The following CDKL2 variants were observed in gnomAD, a reference collection of about 807,000 sequenced individuals.
CDKL2 encodes the protein cyclin-dependent kinase-like 2.
CDKL2 carries 64 observed loss-of-function variants against 63.9 expected under a neutral mutation model. The ratio of observed to expected loss-of-function variants is 1.00; its 90% CI spans 0.82 to 1.23. The LOEUF is 1.23. Ranked by LOEUF, CDKL2 falls within the 50% of genes most tolerant of loss-of-function variation. The pLI, the probability that CDKL2 is intolerant of heterozygous loss-of-function variation, is 0.00. For synonymous variants in CDKL2, 211 were observed against 229.2 expected, an observed-to-expected ratio of 0.92 and a Z score of 0.72; for missense variants, 656 against 668.0, an observed-to-expected ratio of 0.98 and a Z score of 0.20.
At position 75,605,531 on chromosome 4, in the gene CDKL2, T is replaced by A; in HGVS notation, c.646A>T (p.Met216Leu). The A allele has an allele frequency of 1.3e-6, 2 of 1,589,336 alleles. No homozygotes were observed. Among genetic ancestry groups the A allele is most frequent in the Non-Finnish European group, 8.6e-7 (1 of 1,157,962 alleles). ...SDIDQLYHIM[M>L]CLGNLIPRHQ... ...AGATGTGTAACCTTACCTAAACACA[T>A]CATAATATGATATAGCTGATCAATA... is the stretch of plus-strand genomic sequence containing the variant. The change falls in exon 5 of 14, where the codon ATG (methionine) becomes TTG (leucine). Residue 216 changes from methionine to leucine, a missense_variant. By Grantham distance (15) the Met-to-Leu change is conservative (BLOSUM62 2). Coordinates refer to ENST00000307465, the MANE Select transcript of CDKL2 (RefSeq NM_001330724.2).
Position 75,587,941 on chromosome 4 carries a change from G to A in CDKL2, c.1647+3878C>T, listed in dbSNP as rs537563818. ...AAAAGAAACTGAAATCAGGCTGGGC[G>A]CGGTGGCTCACACCTGTAATCCCAG... On this transcript the variant is annotated intron_variant, in intron 12 of 13. Transcript: ENST00000307465. Among the ~76,000 whole-genome samples, 122 of 148,638 alleles carry A rather than the reference G, an allele frequency of 8.2e-4. 2 individuals are homozygous for A. The highest frequency in any genetic ancestry group is 6.4e-4 in the South Asian group (3 of 4,682).
At chr4:75,598,261 CA>C (rs748696674) in intron 7 of CDKL2, 49 bp from the exon 8 acceptor site, 932 of 1,051,640 alleles carry the variant, frequency 8.9e-4, no homozygotes, top group Non-Finnish European at 1.1e-3. Context: ...GATAAACCTA[CA>C]AAAAAATTGA....
Position 75,597,078 on chromosome 4 carries a change from G to A in CDKL2, c.1179C>T (p.Ser393=), listed in dbSNP as rs1374049225. The A allele has an allele frequency of 4.3e-6, 7 of 1,614,064 alleles. No individual in the cohort carries two copies. The highest frequency in any genetic ancestry group is 8.5e-7 in the Non-Finnish European group (1 of 1,180,042). The part of the protein sequence containing the change: ...TSHNKIVPST[S]LKDCSNVSVD... ...CGCTGACATTGCTGCAGTCTTTGAG[G>A]CTTGTTGAAGGCACTATTTTGTTGT... The change falls in exon 9 of 14, where the codon AGC becomes AGT. Residue 393 remains serine, a synonymous_variant. Transcript: ENST00000307465.
intron 2 of CDKL2, 51 bp downstream of exon 2, chr4:75,625,770 A>G: frequency 2.1e-6 from 3 of 1,406,720 alleles, no homozygotes; most frequent in Non-Finnish European, 2.9e-6. Flanking sequence ...CTTATTGCCA[A>G]AAAAGAAACT....
chr4:75,626,395 A>G (rs112749084), intron 1 of CDKL2, among the ~76,000 whole-genome samples: 96 of 152,264 alleles, frequency 6.3e-4, no homozygotes, highest in South Asian at 1.9e-3. Flanking sequence ...GACCGGGCGC[A>G]GTGGCTCACG....
intron 2 of CDKL2, among the ~76,000 whole-genome samples, chr4:75,625,584 C>G (rs56151783): frequency 0.15 from 23,310 of 152,008 alleles, 2,445 homozygotes; most frequent in African/African-American, 0.3. Context: ...AAAATTAATG[C>G]TATTCCTCCT....
intron 2 of CDKL2, among the ~76,000 whole-genome samples, chr4:75,618,321 G>A (rs1020252843): frequency 8.7e-6 from 1 of 114,594 alleles, no homozygotes; most frequent in Non-Finnish European, 1.6e-5. Context: ...GCGCGATCTC[G>A]GCTCATCGCA....
At chr4:75,601,721 C>T (rs1276453584) in intron 6 of CDKL2, among the ~76,000 whole-genome samples, 1 of 151,958 alleles carries the variant, frequency 6.6e-6, no homozygotes, top group African/African-American at 2.4e-5. Flanking sequence ...ACCTTTATTC[C>T]CTTTATATCT....
chr4:75,601,208 T>G (rs1729176834), intron 6 of CDKL2, among the ~76,000 whole-genome samples: 1 of 152,166 alleles, frequency 6.6e-6, no homozygotes, highest in Admixed American at 6.5e-5. Flanking sequence ...AAACATCAAT[T>G]AGATATTTTA....
chr4:75,591,086 T>C (rs997636445), intron 12 of CDKL2, among the ~76,000 whole-genome samples: 8 of 152,142 alleles, frequency 5.3e-5, no homozygotes, highest in Non-Finnish European at 1.5e-5. Flanking sequence ...ATCTTTAACA[T>C]GGATAAAATG....
intron 10 of CDKL2, among the ~76,000 whole-genome samples, chr4:75,595,191 C>A (rs908822354): frequency 6.9e-6 from 1 of 145,636 alleles, no homozygotes; most frequent in Non-Finnish European, 1.5e-5. Context: ...TAAATAGAAT[C>A]GTTTCTTTCT....
intron 1 of CDKL2, among the ~76,000 whole-genome samples, chr4:75,627,263 TTTTGTTTGTTTG>T (rs140943093): frequency 1.3e-5 from 2 of 150,238 alleles, no homozygotes; most frequent in African/African-American, 2.5e-5. Flanking sequence ...TGGTGGGGGA[TTTTGTTTGTTTG>T]TTTGTTTGTT....
intron 10 of CDKL2, 33 bp from the exon 11 acceptor site, chr4:75,592,302 T>C: frequency 6.7e-7 from 1 of 1,496,030 alleles, no homozygotes; most frequent in Non-Finnish European, 8.8e-7. Flanking sequence ...CAAAAAAGAA[T>C]TAGTTTCAAG....
chr4:75,621,455 A>G (rs1201538420), intron 2 of CDKL2, among the ~76,000 whole-genome samples: 1 of 152,164 alleles, frequency 6.6e-6, no homozygotes, highest in Non-Finnish European at 1.5e-5. Context: ...GAACAGTAGG[A>G]TTCTATCTTG....
At chr4:75,591,975 GT>G (rs1478983259) in intron 11 of CDKL2, 50 bp from the exon 12 acceptor site, 5 of 1,451,642 alleles carry the variant, frequency 3.4e-6, no homozygotes, top group Non-Finnish European at 3.7e-6. Flanking sequence ...CATTTTGTTA[GT>G]TTTTAGTTTT....
rs77002343 is a variant in CDKL2, at chr4:75,577,240, A to G, written c.*1962T>C. 0.015 allele frequency among the ~76,000 whole-genome samples: 2,271 copies of G among 152,210 alleles called. 59 individuals are homozygous for G. The highest frequency in any genetic ancestry group is 0.053 in the African/African-American group (2,184 of 41,534). Reference sequence around the variant, plus strand: ...CATATCCTTGCAAGAGAAACTAAATAACCTTAAACTTAAAAAAAGGATCAT... The same window carrying G: ...CATATCCTTGCAAGAGAAACTAAATGACCTTAAACTTAAAAAAAGGATCAT... On this transcript the variant is annotated 3_prime_UTR_variant, in exon 14 of 14. Transcript: ENST00000307465.
At chr4:75,586,431 TTAGC>T (rs762498234) in intron 12 of CDKL2, among the ~76,000 whole-genome samples, 4 of 151,830 alleles carry the variant, frequency 2.6e-5, no homozygotes, top group Non-Finnish European at 4.4e-5. Context: ...TTTCACCATG[TTAGC>T]TAGCCAGTAA....
intron 12 of CDKL2, among the ~76,000 whole-genome samples, chr4:75,587,820 C>T (rs1728538535): frequency 6.7e-6 from 1 of 149,758 alleles, no homozygotes. Flanking sequence ...AGGAGGATGG[C>T]ATGAACCTGG....
chr4:75,601,989 G>C (rs1446274170), intron 6 of CDKL2, among the ~76,000 whole-genome samples: 1 of 152,088 alleles, frequency 6.6e-6, no homozygotes, highest in Admixed American at 6.6e-5. Flanking sequence ...TCCCCAAAAA[G>C]GTCAAATTTT....
Sources: gnomAD v4.1 joint callset for allele counts (sites outside exome capture counted in the v4.1 genomes callset) on GRCh38, gnomAD v4.1.1 for gene constraint, MANE v1.5 for transcripts, NCBI Gene and HGNC (gene_info 2026-07-23, HGNC 2026-07-21) for gene names.